The following DCAF1 variants were observed in gnomAD, a reference collection of about 807,000 sequenced individuals.
DCAF1 encodes DDB1- and CUL4-associated factor 1.
In DCAF1, 15 loss-of-function variants were observed where a neutral mutation model predicts 128.0. The observed-to-expected ratio is 0.12, with a 90% CI of 0.08 to 0.18. The LOEUF (loss-of-function observed/expected upper bound fraction) is 0.18. Ranked by LOEUF, DCAF1 falls within the 10% of genes least tolerant of loss-of-function variation. The probability of loss-of-function intolerance (pLI) is 1.00; values close to 1 mark genes in which losing one functional copy is unlikely to be tolerated. For synonymous variants in DCAF1, 610 were observed against 603.0 expected (o/e 1.01, Z -0.17); for missense variants, 988 against 1,649.5 (o/e 0.60, Z 6.95).
chr3:51,423,945 G>A (rs1553633355), intron 13 of DCAF1, among the ~76,000 whole-genome samples: 1 of 151,970 alleles, frequency 6.6e-6, no homozygotes, highest in Non-Finnish European at 1.5e-5. Context: ...ATATGTGTTA[G>A]AGTATAGTAC....
At chr3:51,422,182 G>A in intron 14 of DCAF1, 125 bp downstream of exon 14, 2 of 630,688 alleles carry the variant, frequency 3.2e-6, no homozygotes, top group Non-Finnish European at 5.8e-6. Flanking sequence ...GACAGACAAG[G>A]AGCCCCCCTC....
intron 22 of DCAF1, among the ~76,000 whole-genome samples, chr3:51,412,786 C>G (rs1698548504): frequency 6.6e-6 from 1 of 152,174 alleles, no homozygotes; most frequent in Non-Finnish European, 1.5e-5. Context: ...ACAGGATCCT[C>G]TAAGCTGTCT....
intron 3 of DCAF1, among the ~76,000 whole-genome samples, chr3:51,473,537 CAGGG>C (rs1705049911): frequency 9.3e-6 from 1 of 108,052 alleles, no homozygotes; most frequent in Non-Finnish European, 1.9e-5. Flanking sequence ...AAAAAAAAAA[CAGGG>C]TCTCACTCTG....
intron 6 of DCAF1, among the ~76,000 whole-genome samples, chr3:51,457,376 AGAAAC>A (rs1247293401): frequency 6.6e-6 from 1 of 152,220 alleles, no homozygotes; most frequent in Non-Finnish European, 1.5e-5. Flanking sequence ...AAGAATAAAA[AGAAAC>A]GAACAAAGCC....
chr3:51,415,372 G>A (rs1171105394), intron 18 of DCAF1, among the ~76,000 whole-genome samples: 1 of 152,146 alleles, frequency 6.6e-6, no homozygotes, highest in Non-Finnish European at 1.5e-5. Context: ...GTGCTCGCCT[G>A]TAGTCCCAGC....
chr3:51,456,904 C>T (rs1300339217), intron 6 of DCAF1, among the ~76,000 whole-genome samples: 1 of 152,134 alleles, frequency 6.6e-6, no homozygotes, highest in Admixed American at 6.6e-5. Flanking sequence ...ACACCAAAAA[C>T]CCATCTGTAC....
chr3:51,398,960 C>A, intron 24 of DCAF1, 133 bp from the exon 25 acceptor site: 1 of 1,103,096 alleles, frequency 9.1e-7, no homozygotes, highest in Non-Finnish European at 1.3e-6. Flanking sequence ...GAAGAAAACA[C>A]ATCAATTAAC....
intron 17 of DCAF1, 116 bp from the exon 18 acceptor site, chr3:51,416,987 T>C: frequency 6.8e-7 from 1 of 1,472,818 alleles, no homozygotes; most frequent in Non-Finnish European, 9.1e-7. Flanking sequence ...CTAAAGATCC[T>C]GGACTCCCAA....
intron 13 of DCAF1, among the ~76,000 whole-genome samples, chr3:51,422,643 T>C (rs1699509372): frequency 6.6e-6 from 1 of 152,216 alleles, no homozygotes. Context: ...AATGGAATTT[T>C]TACCTATTAA....
intron 23 of DCAF1, among the ~76,000 whole-genome samples, chr3:51,408,098 C>T (rs1425516070): frequency 6.6e-6 from 1 of 151,184 alleles, no homozygotes; most frequent in African/African-American, 2.4e-5. Context: ...TGAAGGCAGG[C>T]AGACTAGCAG....
At chr3:51,493,308 G>T (rs974901062) in intron 2 of DCAF1, among the ~76,000 whole-genome samples, 1 of 152,062 alleles carries the variant, frequency 6.6e-6, no homozygotes, top group Non-Finnish European at 1.5e-5. Flanking sequence ...AACCAGGCAT[G>T]GTGGCACATG....
the DCAF1 span, among the ~76,000 whole-genome samples, chr3:51,505,511 T>C: frequency 2.6e-5 from 4 of 152,124 alleles, no homozygotes; most frequent in Admixed American, 2.6e-4. Context: ...GTAGAGGGTG[T>C]CATGGGCTCT....
intron 4 of DCAF1, among the ~76,000 whole-genome samples, chr3:51,468,015 G>T (rs1172192490): frequency 6.6e-6 from 1 of 152,190 alleles, no homozygotes; most frequent in Non-Finnish European, 1.5e-5. Flanking sequence ...GGTGACGGGG[G>T]TGAATTCCAC....
At chr3:51,502,869 T>C (rs1251103014), upstream of DCAF1, among the ~76,000 whole-genome samples, 1 of 152,160 alleles carries the variant, frequency 6.6e-6, no homozygotes, top group African/African-American at 2.4e-5. Context: ...CACCCAGGCT[T>C]TCCCAACTGC....
chr3:51,445,948 G>A (rs1417454331), intron 6 of DCAF1, among the ~76,000 whole-genome samples: 1 of 147,804 alleles, frequency 6.8e-6, no homozygotes, highest in Non-Finnish European at 1.5e-5. Flanking sequence ...CTTCTGTGAA[G>A]TACTCTTGCT....
chr3:51,453,150 C>A (rs1401361563), intron 6 of DCAF1, among the ~76,000 whole-genome samples: 1 of 152,128 alleles, frequency 6.6e-6, no homozygotes, highest in Non-Finnish European at 1.5e-5. Context: ...CTTCTAGTCT[C>A]ACACGGGTTG....
chr3:51,462,561 C>T (rs1385336601), intron 6 of DCAF1, among the ~76,000 whole-genome samples: 1 of 152,048 alleles, frequency 6.6e-6, no homozygotes, highest in East Asian at 1.9e-4. Flanking sequence ...ACCTGACCAA[C>T]ATGGTGAAAT....
intron 23 of DCAF1, among the ~76,000 whole-genome samples, chr3:51,406,300 G>A (rs191575503): frequency 6.5e-5 from 8 of 123,490 alleles, no homozygotes; most frequent in Admixed American, 4.3e-4. Flanking sequence ...CCGAGATCGC[G>A]CCACTGCACT....
intron 6 of DCAF1, among the ~76,000 whole-genome samples, chr3:51,450,754 T>A (rs1577187361): frequency 6.6e-6 from 1 of 152,144 alleles, no homozygotes; most frequent in Admixed American, 6.6e-5. Flanking sequence ...AGTACTGAGG[T>A]TACAGGCGTG....
Sources: gnomAD v4.1 joint callset for allele counts (sites outside exome capture counted in the v4.1 genomes callset) on GRCh38, gnomAD v4.1.1 for gene constraint, MANE v1.5 for transcripts, NCBI Gene and HGNC (gene_info 2026-07-23, HGNC 2026-07-21) for gene names.